The following ZNF469 variants were observed in gnomAD, a reference collection of about 807,000 sequenced individuals.
ZNF469 encodes the protein zinc finger protein 469.
Under a neutral mutation model 1.0 loss-of-function variants are expected in ZNF469, and 1 was observed. The observed-to-expected ratio is 1.00, with a 90% CI of 0.35 to 4.73. The LOEUF (loss-of-function observed/expected upper bound fraction) is 4.73. Among genes scored for constraint, ZNF469 ranks in the 30% most tolerant of loss-of-function variants. ZNF469 has a pLI of 0.16. For missense variants in ZNF469, 6,100 were observed against 5,356.3 expected (o/e 1.14, Z -4.33); for synonymous variants, 2,703 against 2,363.4 (o/e 1.14, Z -4.17).
At chr16:88,372,603 G>T in the ZNF469 span, among the ~76,000 whole-genome samples, 1 of 140,214 alleles carries the variant, frequency 7.1e-6, no homozygotes, top group East Asian at 2.3e-4. Context: ...CATTACCACC[G>T]TCATCATGAT....
At chr16:88,396,794 C>T (rs573086321) in intron 1 of ZNF469, among the ~76,000 whole-genome samples, 4 of 148,112 alleles carry the variant, frequency 2.7e-5, no homozygotes, top group Non-Finnish European at 6.0e-5. Flanking sequence ...GGAGGAGACC[C>T]TTGAGAAGGG....
Position 88,439,221 on chromosome 16 carries a change from C to G in ZNF469, c.11751C>G (p.Ala3917=), listed in dbSNP as rs780082667. 9.7e-6 allele frequency: 15 copies of G among 1,550,106 alleles called. No individual in the cohort carries two copies. The Admixed American group carries it at 2.7e-4, about 28-fold the overall frequency. ...RGTAVHGAEP[A]EPHTHRTAEA... is the part of the protein sequence containing the mutation. ...CAGCTGTCCACGGTGCTGAACCTGC[C>G]GAGCCACACACCCACCGGACGGCCG... Residue 3917 remains alanine, a synonymous_variant, in exon 3 of 3, where the codon GCC becomes GCG. Coordinates refer to ENST00000565624, the MANE Select transcript of ZNF469 (RefSeq NM_001367624.2).
the ZNF469 span, among the ~76,000 whole-genome samples, chr16:88,334,403 C>T: frequency 8.5e-5 from 13 of 152,276 alleles, no homozygotes; most frequent in African/African-American, 3.1e-4. Context: ...TTACGCTGAC[C>T]AGTTGAGCAT....
the ZNF469 span, among the ~76,000 whole-genome samples, chr16:88,131,029 C>T: frequency 2.0e-5 from 3 of 152,214 alleles, no homozygotes; most frequent in East Asian, 5.8e-4. Context: ...GGTTCCACGG[C>T]GGGCAGCGCG....
At position 88,438,107 on chromosome 16, in the gene ZNF469, A is replaced by T. The variant is rs1276338861; in HGVS notation, c.10637A>T (p.Asn3546Ile). The T allele has an allele frequency of 6.5e-7, 1 of 1,550,350 alleles. No individual in the cohort carries two copies. ...ATCAGAGGTTGTGAGCTGCCATCCA[A>T]CCACCAGGAGTGTCCCCCGCCGTCT... The part of the protein sequence containing the change: ...HPIRGCELPS[N>I]HQECPPPSLS... The change falls in exon 3 of 3, where the codon AAC becomes ATC. Residue 3546 changes from asparagine to isoleucine, a missense_variant. Transcript: ENST00000565624.
intron 1 of ZNF469, among the ~76,000 whole-genome samples, chr16:88,404,986 C>T (rs1364222607): frequency 6.6e-6 from 1 of 152,166 alleles, no homozygotes; most frequent in Non-Finnish European, 1.5e-5. Flanking sequence ...ATAGCTGGAT[C>T]CAGGTATTCA....
the ZNF469 span, among the ~76,000 whole-genome samples, chr16:88,335,157 G>T: frequency 6.6e-6 from 1 of 152,304 alleles, no homozygotes; most frequent in African/African-American, 2.4e-5. Flanking sequence ...GAGGATGAAC[G>T]TCTGTTGCCC....
the ZNF469 span, among the ~76,000 whole-genome samples, chr16:88,133,373 C>G: frequency 6.6e-6 from 1 of 152,252 alleles, no homozygotes; most frequent in East Asian, 1.9e-4. Flanking sequence ...GCTCTGCAAC[C>G]CTCCCTGTCA....
At chr16:88,247,233 A>AGCGAATG in the ZNF469 span, among the ~76,000 whole-genome samples, 1 of 151,370 alleles carries the variant, frequency 6.6e-6, no homozygotes, top group Admixed American at 6.6e-5. Context: ...TGAATGAGGG[A>AGCGAATG]GTGAATGGTG....
At chr16:88,373,679 A>G in the ZNF469 span, among the ~76,000 whole-genome samples, 1 of 152,070 alleles carries the variant, frequency 6.6e-6, no homozygotes, top group African/African-American at 2.4e-5. Context: ...CCTTCAGGGG[A>G]GGAATCTTGA....
chr16:88,248,379 GGTC>G, the ZNF469 span, among the ~76,000 whole-genome samples: 11 of 152,112 alleles, frequency 7.2e-5, no homozygotes, highest in African/African-American at 2.7e-4. Context: ...CTGAAATATT[GGTC>G]CAGTTTCTCT....
At chr16:88,117,592 G>A in the ZNF469 span, among the ~76,000 whole-genome samples, 1 of 152,086 alleles carries the variant, frequency 6.6e-6, no homozygotes, top group Non-Finnish European at 1.5e-5. Flanking sequence ...GAGGTGCCAC[G>A]TGCCTTCGGG....
At chr16:88,368,679 C>T in the ZNF469 span, among the ~76,000 whole-genome samples, 1 of 151,696 alleles carries the variant, frequency 6.6e-6, no homozygotes, top group African/African-American at 2.4e-5. Flanking sequence ...GAGACCATGG[C>T]CCTGGGAGAG....
the ZNF469 span, among the ~76,000 whole-genome samples, chr16:88,163,616 G>A: frequency 1.2e-4 from 1 of 8,514 alleles, no homozygotes; most frequent in African/African-American, 1.8e-4. Flanking sequence ...ATTGGTAGAT[G>A]GATGGATGGA....
At chr16:88,356,853 A>G in the ZNF469 span, among the ~76,000 whole-genome samples, 3 of 152,144 alleles carry the variant, frequency 2.0e-5, no homozygotes, top group Non-Finnish European at 2.9e-5. Context: ...GGCAAGAGGC[A>G]CCAGGCCAGG....
the ZNF469 span, among the ~76,000 whole-genome samples, chr16:88,305,957 C>T: frequency 1.3e-5 from 2 of 152,218 alleles, no homozygotes; most frequent in African/African-American, 2.4e-5. Context: ...CACACACTCA[C>T]ATACATGTCC....
chr16:88,351,909 C>T, the ZNF469 span, among the ~76,000 whole-genome samples: 1 of 152,350 alleles, frequency 6.6e-6, no homozygotes, highest in East Asian at 1.9e-4. Context: ...GAAACTGGGT[C>T]ACCTGGCTGG....
chr16:88,139,150 C>T, the ZNF469 span, among the ~76,000 whole-genome samples: 41 of 150,488 alleles, frequency 2.7e-4, no homozygotes, highest in Non-Finnish European at 5.8e-4. Context: ...TTGTGATGAG[C>T]GTCAGAGCAG....
chr16:88,309,946 G>A, the ZNF469 span, among the ~76,000 whole-genome samples: 43 of 152,184 alleles, frequency 2.8e-4, no homozygotes, highest in East Asian at 2.9e-3. Flanking sequence ...TCCCTCCACT[G>A]CCCAGGGTAG....
Sources: allele counts gnomAD v4.1 joint callset (sites outside exome capture counted in the v4.1 genomes callset), GRCh38; gene constraint gnomAD v4.1.1; transcripts MANE v1.5; gene names NCBI Gene and HGNC (gene_info 2026-07-23, HGNC 2026-07-21).